The following IGF1R variants were observed in gnomAD, a reference collection of about 807,000 sequenced individuals.
The protein encoded by IGF1R is insulin-like growth factor 1 receptor.
IGF1R carries 44 observed loss-of-function variants against 144.6 expected under a neutral mutation model. That is an observed-to-expected ratio of 0.30 (90% confidence interval 0.24 to 0.39). IGF1R has a LOEUF of 0.39. IGF1R is among the 10% of genes least tolerant of loss of function. IGF1R has a pLI of 1.00. For missense variants in IGF1R, 1,355 were observed against 1,833.7 expected, an observed-to-expected ratio of 0.74 and a Z score of 4.77; for synonymous variants, 795 against 722.8, an observed-to-expected ratio of 1.10 and a Z score of -1.60.
chr15:98,893,941 C>A (rs1280151824), intron 3 of IGF1R, among the ~76,000 whole-genome samples: 2 of 152,132 alleles, frequency 1.3e-5, no homozygotes, highest in African/African-American at 2.4e-5. Flanking sequence ...CTTGTTTATA[C>A]CTTCTCTATA....
intron 2 of IGF1R, among the ~76,000 whole-genome samples, chr15:98,855,755 G>T (rs1372504605): frequency 2.0e-5 from 3 of 152,226 alleles, no homozygotes; most frequent in Non-Finnish European, 4.4e-5. Context: ...GGGCCAAATA[G>T]GAAAGTGAGC....
chr15:98,691,539 T>G (rs1596192431), intron 1 of IGF1R, among the ~76,000 whole-genome samples: 2 of 152,062 alleles, frequency 1.3e-5, no homozygotes, highest in Admixed American at 1.3e-4. Flanking sequence ...AATTTTTGTA[T>G]TTTTAGTAAA....
At chr15:98,772,283 A>G (rs1445092973) in intron 2 of IGF1R, among the ~76,000 whole-genome samples, 1 of 151,992 alleles carries the variant, frequency 6.6e-6, no homozygotes, top group Non-Finnish European at 1.5e-5. Flanking sequence ...TTTGATTAAT[A>G]ATTTCTAGTC....
At chr15:98,954,540 T>C (rs895463062) in intron 20 of IGF1R, among the ~76,000 whole-genome samples, 1 of 152,180 alleles carries the variant, frequency 6.6e-6, no homozygotes, top group African/African-American at 2.4e-5. Context: ...CTTCCTTTCA[T>C]GGGCAGCACT....
chr15:98,664,690 CAAAA>C (rs573877268), intron 1 of IGF1R, among the ~76,000 whole-genome samples: 12 of 69,572 alleles, frequency 1.7e-4, no homozygotes, highest in African/African-American at 3.8e-4. Flanking sequence ...GACTCCATGT[CAAAA>C]AAAAAAAAAA....
At chr15:98,735,449 C>T (rs1282422415) in intron 2 of IGF1R, among the ~76,000 whole-genome samples, 1 of 152,226 alleles carries the variant, frequency 6.6e-6, no homozygotes, top group Non-Finnish European at 1.5e-5. Flanking sequence ...GTTCAGTACC[C>T]AAGGGTGAGC....
chr15:98,745,141 A>G (rs1371077635), intron 2 of IGF1R, among the ~76,000 whole-genome samples: 1 of 152,200 alleles, frequency 6.6e-6, no homozygotes. Context: ...ATATAGGGAG[A>G]AGGAAGTCAT....
chr15:98,917,038 C>T, intron 10 of IGF1R, 162 bp downstream of exon 10: 1 of 718,424 alleles, frequency 1.4e-6, no homozygotes, highest in South Asian at 1.5e-5. Flanking sequence ...TGAAGTGAGT[C>T]CCTGCGGAAG....
rs1156970565 is a variant in IGF1R at position 98,707,124 on chromosome 15, G to A, written c.95-438G>A. Among the ~76,000 whole-genome samples, 2 of 152,184 alleles carry A rather than the reference G, an allele frequency of 1.3e-5. No homozygotes were observed. Among genetic ancestry groups the A allele is most frequent in the Non-Finnish European group, 2.9e-5 (2 of 68,042 alleles). On this transcript the variant is annotated intron_variant, in intron 1 of 20. Transcript: ENST00000650285. This position sits in a 1 kb window ranked among gnomAD's most constrained non-coding sequence, Gnocchi z 6.7. ...GATTGCCCTGTGTCCTTCAGGCAGGGTGCAGTAGTAAGTTATTGATACTTG... is the reference window on the plus strand; with the variant it reads ...GATTGCCCTGTGTCCTTCAGGCAGGATGCAGTAGTAAGTTATTGATACTTG...
At chr15:98,956,165 G>T (rs944222319) in intron 20 of IGF1R, among the ~76,000 whole-genome samples, 4 of 152,234 alleles carry the variant, frequency 2.6e-5, no homozygotes, top group African/African-American at 9.6e-5. Flanking sequence ...TTTTCTTGGG[G>T]AGCCCCGGCC....
At chr15:98,905,443 C>T (rs2014686648) in intron 5 of IGF1R, among the ~76,000 whole-genome samples, 1 of 151,662 alleles carries the variant, frequency 6.6e-6, no homozygotes, top group South Asian at 2.1e-4. Flanking sequence ...ATTGCTTGAG[C>T]CCAGGAGTTT....
chr15:98,911,337 C>T lies in IGF1R; in HGVS notation c.1485C>T (p.Phe495=), dbSNP rs886043360. The part of the protein sequence containing the change: ...RASCESDVLH[F]TSTTTSKNRI... ...CAGGTGAAAGTGACGTCCTGCATTT[C>T]ACCTCCACCACCACGTCGAAGAATC... Residue 495 remains phenylalanine, a synonymous_variant, in exon 7 of 21, where the codon TTC becomes TTT. Coordinates refer to ENST00000650285, the MANE Select transcript of IGF1R (RefSeq NM_000875.5). 6.8e-6 allele frequency: 11 copies of T among 1,614,064 alleles called. No individual in the cohort carries two copies. The Admixed American group carries it at 1.8e-4, about 27-fold the overall frequency.
intron 2 of IGF1R, among the ~76,000 whole-genome samples, chr15:98,800,535 C>G (rs368043402): frequency 6.6e-6 from 1 of 152,142 alleles, no homozygotes. Context: ...GTGAAAGATA[C>G]GGAGTGTGAC....
At chr15:98,779,762 T>C (rs1038085727) in intron 2 of IGF1R, among the ~76,000 whole-genome samples, 1 of 152,186 alleles carries the variant, frequency 6.6e-6, no homozygotes, top group Non-Finnish European at 1.5e-5. Context: ...CTGGAGCAAC[T>C]CTGGAACCAC....
intron 2 of IGF1R, among the ~76,000 whole-genome samples, chr15:98,860,924 C>T (rs1041582027): frequency 6.6e-6 from 1 of 152,184 alleles, no homozygotes; most frequent in African/African-American, 2.4e-5. Flanking sequence ...TGGTGCTTGA[C>T]TACCCCAGAA....
At chr15:98,886,253 G>T (rs1191366977) in intron 2 of IGF1R, among the ~76,000 whole-genome samples, 1 of 152,280 alleles carries the variant, frequency 6.6e-6, no homozygotes, top group African/African-American at 2.4e-5. Context: ...GAGAGGGAGA[G>T]AGTTAAAGGC....
chr15:98,727,149 T>C (rs2054381139), intron 2 of IGF1R, among the ~76,000 whole-genome samples: 2 of 152,230 alleles, frequency 1.3e-5, no homozygotes, highest in African/African-American at 4.8e-5. Context: ...TGTAAAAATA[T>C]CATTTAATGG....
chr15:98,661,231 C>G (rs1463997765), intron 1 of IGF1R, among the ~76,000 whole-genome samples: 1 of 152,080 alleles, frequency 6.6e-6, no homozygotes, highest in Non-Finnish European at 1.5e-5. Context: ...TCTTACAGGT[C>G]TCTCTATCAT....
chr15:98,792,877 T>C (rs961319016), intron 2 of IGF1R, among the ~76,000 whole-genome samples: 1 of 152,242 alleles, frequency 6.6e-6, no homozygotes, highest in Non-Finnish European at 1.5e-5. Flanking sequence ...CAAATACAGA[T>C]GTAAGTTTAA....
Sources: gnomAD v4.1 joint callset for allele counts (sites outside exome capture counted in the v4.1 genomes callset) on GRCh38, gnomAD v4.1.1 for gene constraint, Gnocchi (gnomAD v3.1) non-coding constraint, MANE v1.5 for transcripts, NCBI Gene and HGNC (gene_info 2026-07-23, HGNC 2026-07-21) for gene names.